Variants in RBFOX1 observed in about 807,000 individuals in gnomAD.
RBFOX1 encodes RNA binding protein fox-1 homolog 1.
In RBFOX1, 8 loss-of-function variants were observed where a neutral mutation model predicts 57.7. The ratio of observed to expected loss-of-function variants is 0.14; its 90% confidence interval spans 0.08 to 0.25. RBFOX1 has a LOEUF of 0.25. Among genes scored for constraint, RBFOX1 ranks in the 10% least tolerant of loss-of-function variants. The pLI is 1.00. For missense variants in RBFOX1, 611 were observed against 548.5 expected, an observed-to-expected ratio of 1.11 and a Z score of -1.14; for synonymous variants, 326 against 222.4, an observed-to-expected ratio of 1.47 and a Z score of -4.15.
At chr16:5,806,913 A>T (rs533507262) in intron 3 of RBFOX1, among the ~76,000 whole-genome samples, 13 of 152,222 alleles carry the variant, frequency 8.5e-5, no homozygotes, top group South Asian at 2.1e-4. Context: ...CACTTACCGA[A>T]GCAGCCAGCC....
At chr16:5,556,333 C>G (rs144234281) in intron 2 of RBFOX1, among the ~76,000 whole-genome samples, 2,157 of 152,258 alleles carry the variant, frequency 0.014, 22 homozygotes, top group Middle Eastern at 0.044. Context: ...TCTGGTGGGG[C>G]CTTGCCTACC....
At chr16:7,621,540 G>A (rs779192448) in intron 10 of RBFOX1, among the ~76,000 whole-genome samples, 2 of 152,160 alleles carry the variant, frequency 1.3e-5, no homozygotes, top group Non-Finnish European at 2.9e-5. Flanking sequence ...GGGATTACAG[G>A]CAGGGTCACC....
intron 3 of RBFOX1, among the ~76,000 whole-genome samples, chr16:5,760,761 C>T (rs1208585958): frequency 2.6e-5 from 4 of 151,826 alleles, no homozygotes; most frequent in Admixed American, 1.3e-4. Flanking sequence ...TGACAAAAAC[C>T]GCAGTTACTT....
intron 4 of RBFOX1, among the ~76,000 whole-genome samples, chr16:7,165,058 A>G (rs1349801151): frequency 2.6e-5 from 4 of 152,212 alleles, no homozygotes; most frequent in Non-Finnish European, 5.9e-5. Flanking sequence ...AAGGAGAGCT[A>G]CTATTCCAAA....
chr16:5,580,570 G>A (rs187414779), intron 2 of RBFOX1, among the ~76,000 whole-genome samples: 102 of 152,322 alleles, frequency 6.7e-4, no homozygotes, highest in Admixed American at 3.7e-3. Context: ...AGCTGGTCCT[G>A]CTTCAACGCT....
chr16:6,894,292 G>A (rs1253799850), intron 3 of RBFOX1, among the ~76,000 whole-genome samples: 2 of 152,142 alleles, frequency 1.3e-5, no homozygotes, highest in East Asian at 3.9e-4. Context: ...TATTTCCAAG[G>A]GGTGGTCTGT....
At chr16:6,960,348 G>A (rs2082700786) in intron 3 of RBFOX1, among the ~76,000 whole-genome samples, 1 of 152,156 alleles carries the variant, frequency 6.6e-6, no homozygotes, top group African/African-American at 2.4e-5. Flanking sequence ...TAGACATATA[G>A]CTTAGAAGCT....
At chr16:5,403,004 A>G (rs887642455) in intron 1 of RBFOX1, among the ~76,000 whole-genome samples, 1 of 152,132 alleles carries the variant, frequency 6.6e-6, no homozygotes, top group African/African-American at 2.4e-5. Context: ...CAACATGTGC[A>G]TGCATGCATG....
chr16:5,513,350 G>A (rs922307176), intron 2 of RBFOX1, among the ~76,000 whole-genome samples: 1 of 152,136 alleles, frequency 6.6e-6, no homozygotes, highest in East Asian at 1.9e-4. Context: ...GGAAGACTGT[G>A]GAGATAAAGT....
intron 3 of RBFOX1, among the ~76,000 whole-genome samples, chr16:6,997,846 C>A (rs572462896): frequency 6.6e-6 from 1 of 152,052 alleles, no homozygotes; most frequent in African/African-American, 2.4e-5. Context: ...CTAGTAATAG[C>A]AGGAAACAGT....
chr16:5,244,127 C>T (rs955754932), intron 1 of RBFOX1, among the ~76,000 whole-genome samples: 6 of 152,074 alleles, frequency 3.9e-5, no homozygotes, highest in African/African-American at 1.4e-4. Context: ...AAACTCCTGA[C>T]CTGAGGTGAT....
intron 4 of RBFOX1, among the ~76,000 whole-genome samples, chr16:7,391,109 C>A (rs1407234623): frequency 6.6e-6 from 1 of 152,164 alleles, no homozygotes; most frequent in Admixed American, 6.5e-5. Context: ...TGACCTTTTG[C>A]ACTGAATATG....
chr16:5,290,526 A>C (rs575045134), intron 1 of RBFOX1, among the ~76,000 whole-genome samples: 2 of 152,176 alleles, frequency 1.3e-5, no homozygotes, highest in Non-Finnish European at 2.9e-5. Flanking sequence ...TAAATGGGCA[A>C]ATCATACGGT....
At chr16:6,148,818 T>G (rs2096777519) in intron 1 of RBFOX1, among the ~76,000 whole-genome samples, 2 of 152,176 alleles carry the variant, frequency 1.3e-5, no homozygotes, top group African/African-American at 4.8e-5. Context: ...CCCTAGAGAT[T>G]TGAAGTAGTT....
chr16:5,773,743 G>A lies in RBFOX1; in HGVS notation c.319-93560G>A, dbSNP rs559892750. 2.0e-5 allele frequency among the ~76,000 whole-genome samples: 3 copies of A among 152,244 alleles called. No individual in the cohort carries two copies. The East Asian group carries it at 5.8e-4, about 29-fold the overall frequency. On this transcript the variant is annotated intron_variant, in intron 3 of 19. Transcript: ENST00000641259. ...GACAGAGTCTCGCTCTGTTGCCCAG[G>A]CTGGAGTGCAGTGGTGTGATCTCGG... is the stretch of plus-strand genomic sequence containing the variant.
At chr16:7,674,431 A>G (rs1266655043) in intron 13 of RBFOX1, among the ~76,000 whole-genome samples, 2 of 152,228 alleles carry the variant, frequency 1.3e-5, no homozygotes, top group Admixed American at 6.5e-5. Flanking sequence ...GCACAGATAT[A>G]GAACATTCAT....
intron 4 of RBFOX1, among the ~76,000 whole-genome samples, chr16:7,242,325 T>C (rs1464452678): frequency 6.6e-6 from 1 of 152,264 alleles, no homozygotes; most frequent in African/African-American, 2.4e-5. Context: ...GCATGACATA[T>C]CATCATTGGA....
At chr16:7,237,294 T>A (rs1369214509) in intron 4 of RBFOX1, among the ~76,000 whole-genome samples, 2 of 152,166 alleles carry the variant, frequency 1.3e-5, no homozygotes, top group African/African-American at 2.4e-5. Context: ...CCTCTCTCCC[T>A]CCCTGTCTGC....
At chr16:7,205,585 T>C (rs2089788297) in intron 4 of RBFOX1, among the ~76,000 whole-genome samples, 1 of 152,130 alleles carries the variant, frequency 6.6e-6, no homozygotes, top group African/African-American at 2.4e-5. Context: ...AGTAGAATGT[T>C]CCTATCCACC....
Sources: allele counts gnomAD v4.1 joint callset (sites outside exome capture counted in the v4.1 genomes callset), GRCh38; gene constraint gnomAD v4.1.1; transcripts MANE v1.5; gene names NCBI Gene and HGNC (gene_info 2026-07-23, HGNC 2026-07-21).